ABCA13: variants seen among roughly 807,000 people sequenced by gnomAD.
ABCA13 encodes the protein ATP-binding cassette sub-family A member 13.
Under a neutral mutation model 478.7 loss-of-function variants are expected in ABCA13, and 476 were observed. The observed-to-expected ratio is 0.99, with a 90% CI of 0.92 to 1.07. The LOEUF (loss-of-function observed/expected upper bound fraction) is 1.07. ABCA13 is among the 50% of genes least tolerant of loss of function. The pLI, the probability that ABCA13 is intolerant of heterozygous loss-of-function variation, is 0.00. For missense variants in ABCA13, 6,060 were observed against 5,910.6 expected (o/e 1.03, Z -0.83); for synonymous variants, 2,252 against 2,158.9 (o/e 1.04, Z -1.20).
intron 44 of ABCA13, among the ~76,000 whole-genome samples, chr7:48,469,211 TAGC>T (rs1365030615): frequency 2.0e-5 from 3 of 152,194 alleles, no homozygotes; most frequent in Non-Finnish European, 4.4e-5. Flanking sequence ...AGTTATTAGA[TAGC>T]AGTGATACAA....
intron 39 of ABCA13, among the ~76,000 whole-genome samples, chr7:48,407,821 T>G (rs927027675): frequency 6.6e-6 from 1 of 152,142 alleles, no homozygotes; most frequent in Non-Finnish European, 1.5e-5. Context: ...CCTCCCAATA[T>G]AACAACTATT....
intron 29 of ABCA13, among the ~76,000 whole-genome samples, chr7:48,341,618 C>T (rs1183695738): frequency 1.3e-5 from 2 of 151,226 alleles, no homozygotes; most frequent in African/African-American, 4.9e-5. Flanking sequence ...TCAGTCTTGT[C>T]AGAGGGTTAT....
Position 48,244,574 on chromosome 7 carries a change from A to C in ABCA13, c.1263-2A>C, listed in dbSNP as rs1197668377. 3 of 1,611,696 alleles carry C rather than the reference A, an allele frequency of 1.9e-6. No individual in the cohort carries two copies. In the Admixed American group the frequency reaches 5.0e-5, roughly 27 times the overall value. On this transcript the variant is annotated splice_acceptor_variant, in intron 10 of 61. Coordinates refer to ENST00000435803, the MANE Select transcript of ABCA13 (RefSeq NM_152701.5). LOFTEE classifies it high-confidence loss of function. ...ATTTCATTTATTTATTTTTGCCCTC[A>C]GATTACAGCATCTGTGGAAATTGCA...
Position 48,171,533 on chromosome 7 carries a change from T to C in ABCA13, c.50T>C (p.Leu17Pro). 1 of 1,536,386 alleles carries C rather than the reference T, an allele frequency of 6.5e-7. No individual in the cohort carries two copies. The highest frequency in any genetic ancestry group is 8.7e-7 in the Non-Finnish European group (1 of 1,146,898). Residue 17 changes from leucine to proline, a missense_variant, in exon 1 of 62, where the codon CTC (leucine) becomes CCC (proline). By Grantham distance (98) the Leu-to-Pro change is moderately conservative. Transcript: ENST00000435803. ...QFKALLWKNWLCRLRNPVLFL... is the reference protein window; with the variant it reads ...QFKALLWKNWPCRLRNPVLFL... ...AAAGCCCTGCTGTGGAAGAATTGGCTCTGCAGACTCAGGAACCCGGTGAGT... is the reference window on the plus strand; with the variant it reads ...AAAGCCCTGCTGTGGAAGAATTGGCCCTGCAGACTCAGGAACCCGGTGAGT...
intron 38 of ABCA13, among the ~76,000 whole-genome samples, chr7:48,401,970 A>G (rs1817674497): frequency 6.6e-6 from 1 of 152,234 alleles, no homozygotes; most frequent in African/African-American, 2.4e-5. Context: ...TTGTAGAAGC[A>G]TGGTTGGTCC....
chr7:48,645,621 G>T lies in ABCA13; in HGVS notation c.*109G>T. The T allele has an allele frequency of 1.2e-6, 1 of 840,746 alleles. No individual in the cohort carries two copies. 52.1% of individuals were successfully genotyped at this position (840,746 alleles called of 1,614,324 possible). On this transcript the variant is annotated 3_prime_UTR_variant, in exon 62 of 62. Coordinates refer to ENST00000435803, the MANE Select transcript of ABCA13 (RefSeq NM_152701.5). Reference sequence around the variant, plus strand: ...CAAGGAGCTGGAACACACTCTCCAGGCCGTCAAATTATTCTCTTGTTCATT... The same window carrying T: ...CAAGGAGCTGGAACACACTCTCCAGTCCGTCAAATTATTCTCTTGTTCATT...
chr7:48,585,769 C>A (rs544183423), intron 56 of ABCA13, among the ~76,000 whole-genome samples: 5 of 152,156 alleles, frequency 3.3e-5, no homozygotes, highest in African/African-American at 9.6e-5. Context: ...TGATCTTGGT[C>A]AATTTGGCTA....
chr7:48,491,998 A>G (rs187195488), intron 48 of ABCA13, among the ~76,000 whole-genome samples: 4 of 152,168 alleles, frequency 2.6e-5, no homozygotes, highest in African/African-American at 9.7e-5. Flanking sequence ...TACACGGACA[A>G]TATATCACAC....
intron 45 of ABCA13, 142 bp downstream of exon 45, chr7:48,471,741 A>C (rs530537817): frequency 1.3e-6 from 1 of 761,600 alleles, no homozygotes; most frequent in East Asian, 2.7e-5. Flanking sequence ...TTCTGGGAAA[A>C]GTTTTGTCAC....
intron 43 of ABCA13, 137 bp from the exon 44 acceptor site, chr7:48,466,819 G>C (rs4917151): frequency 0.57 from 432,076 of 764,534 alleles, 125,292 homozygotes; most frequent in African/African-American, 0.77. Flanking sequence ...AAAATTAGCT[G>C]TATCTCACTT....
In ABCA13 at chr7:48,239,340, C is replaced by T. The variant is rs1374173546; in HGVS notation, c.997C>T (p.Pro333Ser). 6.2e-7 allele frequency: 1 copy of T among 1,613,910 alleles called. No homozygotes were observed. The highest frequency in any genetic ancestry group is 8.5e-7 in the Non-Finnish European group (1 of 1,179,836). Residue 333 changes from proline (P) to serine (S), a missense_variant, in exon 9 of 62, where the codon CCT becomes TCT. By Grantham distance (74) the Pro-to-Ser change is moderately conservative. Around this residue, in one of 3 missense-constraint regions of ABCA13, gnomAD observed 4,423 missense variants for 4,309.1 expected, o/e 1.03. Coordinates refer to ENST00000435803, the MANE Select transcript of ABCA13 (RefSeq NM_152701.5). ...EKWGHVGGCHPKWSEAKNYLV... is the reference protein window; with the variant it reads ...EKWGHVGGCHSKWSEAKNYLV... Reference sequence around the variant, plus strand: ...ATGGGGCCACGTTGGAGGCTGCCACCCTAAGTGGTCAGAAGCCAAAAACTA... The same window carrying T: ...ATGGGGCCACGTTGGAGGCTGCCACTCTAAGTGGTCAGAAGCCAAAAACTA...
intron 1 of ABCA13, among the ~76,000 whole-genome samples, chr7:48,176,514 T>A (rs1389160784): frequency 6.6e-6 from 1 of 152,154 alleles, no homozygotes; most frequent in Non-Finnish European, 1.5e-5. Flanking sequence ...ATTCTTGATT[T>A]AAAAGGCCAC....
chr7:48,266,793 T>A (rs1794925175), intron 15 of ABCA13, among the ~76,000 whole-genome samples: 1 of 151,940 alleles, frequency 6.6e-6, no homozygotes, highest in African/African-American at 2.4e-5. Flanking sequence ...TTTGATACCA[T>A]TTTGTTTTCT....
At chr7:48,422,196 T>G (rs1253289286) in intron 41 of ABCA13, among the ~76,000 whole-genome samples, 2 of 150,568 alleles carry the variant, frequency 1.3e-5, no homozygotes, top group Non-Finnish European at 2.9e-5. Flanking sequence ...TGTTGTTGTT[T>G]TTTTCTTTTT....
chr7:48,382,296 T>C (rs1409326143), intron 35 of ABCA13, among the ~76,000 whole-genome samples: 1 of 152,154 alleles, frequency 6.6e-6, no homozygotes, highest in Non-Finnish European at 1.5e-5. Flanking sequence ...ATAGACCAAA[T>C]AGACCATGTC....
chr7:48,384,025 T>C (rs1235690148), intron 35 of ABCA13, among the ~76,000 whole-genome samples: 1 of 152,252 alleles, frequency 6.6e-6, no homozygotes, highest in African/African-American at 2.4e-5. Context: ...TGTTCAGATG[T>C]GTGTCCCCAC....
In ABCA13 at chr7:48,273,440, C is replaced by G. The variant is rs542433671; in HGVS notation, c.3774C>G (p.Phe1258Leu). 4.3e-6 allele frequency: 7 copies of G among 1,612,942 alleles called. No homozygotes were observed. The South Asian group carries it at 7.7e-5, about 18-fold the overall frequency. Residue 1258 changes from phenylalanine to leucine, a missense_variant, in exon 17 of 62, where the codon TTC becomes TTG. Physicochemically the swap from Phe to Leu is conservative, Grantham distance 22 (BLOSUM62 0). This residue lies in a region of ABCA13 where 4,423 missense variants were observed against 4,309.1 expected (regional missense o/e 1.03). Coordinates refer to ENST00000435803, the MANE Select transcript of ABCA13 (RefSeq NM_152701.5). ...LNLEQVEKSL[F>L]TMEAALHQLK... ...TGGAGCAAGTGGAGAAATCCCTTTT[C>G]ACCATGGAAGCTGCCCTGCATCAGT...
intron 19 of ABCA13, among the ~76,000 whole-genome samples, chr7:48,287,679 C>T (rs1584644950): frequency 1.3e-5 from 2 of 152,176 alleles, no homozygotes; most frequent in East Asian, 3.9e-4. Flanking sequence ...GAATGGGTAC[C>T]CCACTTGTAG....
intron 33 of ABCA13, 135 bp downstream of exon 33, chr7:48,372,632 T>C: frequency 1.3e-6 from 1 of 769,156 alleles, no homozygotes. Flanking sequence ...ATATCTGCTT[T>C]TTAAAATCTT....
Sources: gnomAD v4.1 joint callset for allele counts (sites outside exome capture counted in the v4.1 genomes callset) on GRCh38, gnomAD v4.1.1 for gene constraint, gnomAD v4.1.1 regional missense constraint, MANE v1.5 for transcripts, NCBI Gene and HGNC (gene_info 2026-07-23, HGNC 2026-07-21) for gene names.